TENM3: variants seen among roughly 807,000 people sequenced by gnomAD.
TENM3 encodes the protein teneurin transmembrane protein 3, also known as teneurin-3.
In TENM3, 63 loss-of-function variants were observed where a neutral mutation model predicts 255.1. The ratio of observed to expected loss-of-function variants is 0.25; its 90% CI spans 0.20 to 0.30. The LOEUF is 0.30. Among genes scored for constraint, TENM3 ranks in the 10% least tolerant of loss-of-function variants. The probability of loss-of-function intolerance (pLI) is 1.00; values close to 1 mark genes in which losing one functional copy is unlikely to be tolerated. For synonymous variants in TENM3, 1,306 were observed against 1,322.3 expected (o/e 0.99, Z 0.27); for missense variants, 2,929 against 3,461.1 (o/e 0.85, Z 3.86).
chr4:182,086,852 C>G, the TENM3 span, among the ~76,000 whole-genome samples: 4 of 152,198 alleles, frequency 2.6e-5, no homozygotes, highest in African/African-American at 4.8e-5. Context: ...AAGAATACTA[C>G]ACCGACAGGC....
chr4:181,716,266 A>G, the TENM3 span, among the ~76,000 whole-genome samples: 1 of 152,232 alleles, frequency 6.6e-6, no homozygotes, highest in Non-Finnish European at 1.5e-5. Context: ...TAATAAAGTA[A>G]TATATGGATT....
intron 3 of TENM3, among the ~76,000 whole-genome samples, chr4:182,486,928 C>T (rs1030911992): frequency 4.6e-5 from 7 of 152,150 alleles, no homozygotes; most frequent in African/African-American, 1.7e-4. Context: ...ACATCCAGTT[C>T]CTGGCAAAAG....
At chr4:182,777,392 G>A (rs1342279019) in intron 24 of TENM3, among the ~76,000 whole-genome samples, 1 of 152,110 alleles carries the variant, frequency 6.6e-6, no homozygotes, top group Middle Eastern at 3.4e-3. Context: ...CTTCCCAAGA[G>A]AGGGGCTATG....
At chr4:182,624,386 T>A (rs1269790915) in intron 4 of TENM3, among the ~76,000 whole-genome samples, 4 of 152,192 alleles carry the variant, frequency 2.6e-5, no homozygotes, top group Non-Finnish European at 5.9e-5. Context: ...GTTTTGCGTG[T>A]TTCTCTACAC....
At chr4:181,603,712 C>T in the TENM3 span, among the ~76,000 whole-genome samples, 5 of 152,168 alleles carry the variant, frequency 3.3e-5, no homozygotes, top group African/African-American at 4.8e-5. Flanking sequence ...TATAAAAAAG[C>T]ATAAAGACAT....
At chr4:182,740,006 A>G (rs1761481690) in intron 18 of TENM3, among the ~76,000 whole-genome samples, 1 of 152,246 alleles carries the variant, frequency 6.6e-6, no homozygotes, top group African/African-American at 2.4e-5. Context: ...ACTGCACTCC[A>G]GCCTGAGTGA....
chr4:182,616,242 G>A (rs890080563), intron 4 of TENM3, among the ~76,000 whole-genome samples: 3 of 151,690 alleles, frequency 2.0e-5, no homozygotes, highest in East Asian at 2.0e-4. Context: ...AGGTAACTGC[G>A]TCCATGTGAT....
upstream of TENM3, among the ~76,000 whole-genome samples, chr4:182,241,451 G>C (rs1757246349): frequency 7.0e-6 from 1 of 141,960 alleles, no homozygotes; most frequent in African/African-American, 2.9e-5. Flanking sequence ...CTGGATCCTT[G>C]GCTCCATTAA....
At chr4:182,764,446 C>G (rs772973285) in intron 22 of TENM3, among the ~76,000 whole-genome samples, 1 of 152,056 alleles carries the variant, frequency 6.6e-6, no homozygotes, top group Non-Finnish European at 1.5e-5. Flanking sequence ...GATAGTTGTT[C>G]GACAGGCCGT....
intron 12 of TENM3, among the ~76,000 whole-genome samples, chr4:182,695,478 G>A (rs1030589417): frequency 2.6e-5 from 4 of 152,278 alleles, no homozygotes; most frequent in African/African-American, 7.2e-5. Flanking sequence ...TGAGAATTCC[G>A]ATAAGGAGAA....
At chr4:182,549,579 A>C (rs189732807) in intron 3 of TENM3, among the ~76,000 whole-genome samples, 23 of 152,286 alleles carry the variant, frequency 1.5e-4, no homozygotes, top group Non-Finnish European at 2.6e-4. Context: ...GAAGCAGTCC[A>C]CCCATTGTTC....
At chr4:181,508,627 G>A in the TENM3 span, among the ~76,000 whole-genome samples, 1 of 152,106 alleles carries the variant, frequency 6.6e-6, no homozygotes, top group East Asian at 1.9e-4. Flanking sequence ...CTGTCCGTCG[G>A]CTCTGAAGGG....
chr4:181,667,134 C>T, the TENM3 span, among the ~76,000 whole-genome samples: 2 of 152,086 alleles, frequency 1.3e-5, no homozygotes, highest in Non-Finnish European at 2.9e-5. Flanking sequence ...CTTCCTAGAT[C>T]CCATATTCTT....
At chr4:181,935,711 C>T in the TENM3 span, among the ~76,000 whole-genome samples, 1 of 152,272 alleles carries the variant, frequency 6.6e-6, no homozygotes, top group Admixed American at 6.5e-5. Context: ...ACTTACCTCC[C>T]AGTGGTCTGC....
chr4:182,409,061 A>C (rs1484327109), intron 3 of TENM3, among the ~76,000 whole-genome samples: 1 of 152,262 alleles, frequency 6.6e-6, no homozygotes, highest in African/African-American at 2.4e-5. Context: ...GCACTCTGAC[A>C]AATGAGGTAA....
At chr4:182,146,833 G>T (rs1003677107) in intron 1 of TENM3, among the ~76,000 whole-genome samples, 11 of 152,134 alleles carry the variant, frequency 7.2e-5, no homozygotes, top group African/African-American at 2.7e-4. Context: ...TAGATTTATG[G>T]AATTGTGACT....
chr4:182,674,652 T>A (rs1339994750), intron 7 of TENM3, among the ~76,000 whole-genome samples: 1 of 151,792 alleles, frequency 6.6e-6, no homozygotes, highest in African/African-American at 2.4e-5. Flanking sequence ...CTTACCTCAC[T>A]GTAGCCTCAA....
chr4:182,576,627 G>A (rs1744948566), intron 3 of TENM3, among the ~76,000 whole-genome samples: 2 of 152,178 alleles, frequency 1.3e-5, no homozygotes, highest in South Asian at 4.1e-4. Context: ...TGTTGCTAAA[G>A]CTAATCAATT....
At chr4:182,679,984 G>A in intron 8 of TENM3, 108 bp downstream of exon 8, 1 of 968,136 alleles carries the variant, frequency 1.0e-6, no homozygotes, top group Admixed American at 2.5e-5. Context: ...GGGTGTTAAA[G>A]CCCAGGTAAA....
Sources: allele counts gnomAD v4.1 joint callset (sites outside exome capture counted in the v4.1 genomes callset), GRCh38; gene constraint gnomAD v4.1.1; transcripts MANE v1.5; gene names NCBI Gene and HGNC (gene_info 2026-07-23, HGNC 2026-07-21).